DGKB: variants seen among roughly 807,000 people sequenced by gnomAD.
The protein encoded by DGKB is diacylglycerol kinase beta.
A neutral mutation model predicts 114.3 loss-of-function variants in DGKB; 67 were observed. The ratio of observed to expected loss-of-function variants is 0.59; its 90% CI spans 0.48 to 0.72. The LOEUF (loss-of-function observed/expected upper bound fraction) is 0.72. Ranked by LOEUF, DGKB falls within the 30% of genes least tolerant of loss-of-function variation. DGKB has a pLI of 0.00. For synonymous variants in DGKB, 398 were observed against 323.1 expected, an observed-to-expected ratio of 1.23 and a Z score of -2.49; for missense variants, 907 against 975.2, an observed-to-expected ratio of 0.93 and a Z score of 0.93.
chr7:14,174,594 T>C (rs2128241075), intron 25 of DGKB, among the ~76,000 whole-genome samples: 1 of 152,276 alleles, frequency 6.6e-6, no homozygotes, highest in South Asian at 2.1e-4. Context: ...GAAAAGTGAC[T>C]TTTCATTAAA....
intron 23 of DGKB, among the ~76,000 whole-genome samples, chr7:14,225,430 C>A (rs939253798): frequency 6.6e-5 from 10 of 152,114 alleles, no homozygotes; most frequent in Admixed American, 3.9e-4. Flanking sequence ...GACCATAAGA[C>A]CATGTAGAGA....
intron 1 of DGKB, among the ~76,000 whole-genome samples, chr7:14,966,446 G>GTGTA (rs1554356103): frequency 5.4e-5 from 8 of 148,820 alleles, no homozygotes; most frequent in Admixed American, 1.3e-4. Context: ...ATATTTGTGT[G>GTGTA]TATATATATA....
At chr7:14,851,308 GT>G (rs1309046519) in intron 1 of DGKB, among the ~76,000 whole-genome samples, 1 of 152,102 alleles carries the variant, frequency 6.6e-6, no homozygotes, top group Non-Finnish European at 1.5e-5. Context: ...TACTGTGTAT[GT>G]TTTTAAAGTT....
At chr7:14,200,637 A>G (rs1785718760) in intron 23 of DGKB, among the ~76,000 whole-genome samples, 2 of 152,028 alleles carry the variant, frequency 1.3e-5, no homozygotes, top group African/African-American at 4.8e-5. Flanking sequence ...ACCTCATCCA[A>G]CAAAGTTACA....
intron 21 of DGKB, among the ~76,000 whole-genome samples, chr7:14,423,138 T>G (rs1293703777): frequency 6.6e-6 from 1 of 151,998 alleles, no homozygotes; most frequent in Non-Finnish European, 1.5e-5. Flanking sequence ...AAGAAGGAAA[T>G]AGCTGACCCA....
At chr7:14,291,611 C>T (rs1801779418) in intron 23 of DGKB, among the ~76,000 whole-genome samples, 1 of 149,518 alleles carries the variant, frequency 6.7e-6, no homozygotes, top group Non-Finnish European at 1.5e-5. Flanking sequence ...AGCTTGAACT[C>T]TTTCTGACAT....
intron 1 of DGKB, among the ~76,000 whole-genome samples, chr7:14,962,956 T>A (rs1363938196): frequency 6.6e-6 from 1 of 152,116 alleles, no homozygotes; most frequent in Non-Finnish European, 1.5e-5. Context: ...CAAAAATTTA[T>A]AAGCCACTTG....
At chr7:14,885,212 T>C (rs759161331) in intron 1 of DGKB, among the ~76,000 whole-genome samples, 3 of 151,918 alleles carry the variant, frequency 2.0e-5, no homozygotes, top group Non-Finnish European at 4.4e-5. Context: ...ACTGAAGGGA[T>C]TGCTAACACT....
intron 2 of DGKB, among the ~76,000 whole-genome samples, chr7:14,831,533 C>T (rs188208714): frequency 9.2e-5 from 14 of 152,104 alleles, no homozygotes; most frequent in Non-Finnish European, 4.4e-5. Flanking sequence ...TTCCTCCTGA[C>T]ACAACTCTCT....
At chr7:14,266,899 CT>C (rs1472943658) in intron 23 of DGKB, among the ~76,000 whole-genome samples, 1 of 152,170 alleles carries the variant, frequency 6.6e-6, no homozygotes, top group African/African-American at 2.4e-5. Context: ...CTTAAGCAGA[CT>C]GATGTACATA....
intron 21 of DGKB, among the ~76,000 whole-genome samples, chr7:14,457,053 C>T (rs1424313616): frequency 1.3e-5 from 2 of 152,108 alleles, no homozygotes; most frequent in African/African-American, 4.8e-5. Flanking sequence ...GCATTAACTG[C>T]TTTTCAAGAG....
rs1041320836 is a variant in DGKB at position 14,148,772 on chromosome 7, A to G, written c.*359T>C. ...CGTAATAATTGGAATCACACTGAGA[A>G]TCACGTTTCCCATGGTATTTCCTTT... On this transcript the variant is annotated 3_prime_UTR_variant, in exon 26 of 26. Coordinates refer to ENST00000402815, the MANE Select transcript of DGKB (RefSeq NM_001350709.2). 1 of 306,426 alleles carries G rather than the reference A, an allele frequency of 3.3e-6. No homozygotes were observed. The highest frequency in any genetic ancestry group is 2.3e-5 in the African/African-American group (1 of 44,256). The allele number at this position is 306,426 out of a possible 1,614,324, so 19.0% of individuals were successfully genotyped here.
intron 23 of DGKB, among the ~76,000 whole-genome samples, chr7:14,242,660 C>T (rs1047334297): frequency 1.3e-5 from 2 of 149,996 alleles, no homozygotes; most frequent in African/African-American, 2.4e-5. Flanking sequence ...TTATTCTGTC[C>T]CTTTTTTGAC....
At chr7:14,852,487 C>CAAAAAAAGAAAAAAAAAAAAAA (rs1554304213) in intron 1 of DGKB, among the ~76,000 whole-genome samples, 1 of 63,636 alleles carries the variant, frequency 1.6e-5, no homozygotes, top group Non-Finnish European at 3.0e-5. Flanking sequence ...TAGTGAAAGT[C>CAAAAAAAGAAAAAAAAAAAAAA]AAAAAAAAAA....
chr7:14,586,554 A>G (rs1191813929), intron 17 of DGKB, among the ~76,000 whole-genome samples: 1 of 152,170 alleles, frequency 6.6e-6, no homozygotes, highest in Non-Finnish European at 1.5e-5. Flanking sequence ...TGTAGACAAC[A>G]TAGCCTTCTA....
chr7:14,645,197 T>C (rs1033858302), intron 13 of DGKB, among the ~76,000 whole-genome samples: 3 of 152,156 alleles, frequency 2.0e-5, no homozygotes, highest in Non-Finnish European at 2.9e-5. Context: ...GCTACCTGTT[T>C]AGGGGTCCTC....
chr7:14,214,214 T>G (rs1312759540), intron 23 of DGKB, among the ~76,000 whole-genome samples: 1 of 152,170 alleles, frequency 6.6e-6, no homozygotes, highest in Non-Finnish European at 1.5e-5. Context: ...CTTGAAACCC[T>G]TGACAGGGCC....
At chr7:14,208,984 A>G (rs1432531405) in intron 23 of DGKB, 1 of 151,796 alleles carries the variant, frequency 6.6e-6, no homozygotes, top group Non-Finnish European at 1.5e-5. Flanking sequence ...GGTAGCCTAT[A>G]TATTCTATAC....
chr7:14,329,009 A>G (rs1693654368), intron 23 of DGKB, among the ~76,000 whole-genome samples: 1 of 152,002 alleles, frequency 6.6e-6, no homozygotes, highest in Non-Finnish European at 1.5e-5. Context: ...GGACTCATGA[A>G]CTACATGAGA....
Sources: allele counts gnomAD v4.1 joint callset (sites outside exome capture counted in the v4.1 genomes callset), GRCh38; gene constraint gnomAD v4.1.1; transcripts MANE v1.5; gene names NCBI Gene and HGNC (gene_info 2026-07-23, HGNC 2026-07-21).